CSRNP3: variants seen among roughly 807,000 people sequenced by gnomAD.
The protein encoded by CSRNP3 is cysteine/serine-rich nuclear protein 3.
Under a neutral mutation model 48.0 loss-of-function variants are expected in CSRNP3, and 12 were observed. The ratio of observed to expected loss-of-function variants is 0.25; its 90% CI spans 0.16 to 0.41. The LOEUF (loss-of-function observed/expected upper bound fraction) is 0.41. Among genes scored for constraint, CSRNP3 ranks in the 10% least tolerant of loss-of-function variants. The pLI is 1.00. For missense variants in CSRNP3, 580 were observed against 724.4 expected (o/e 0.80, Z 2.29); for synonymous variants, 263 against 269.7 (o/e 0.98, Z 0.24).
At position 165,537,976 on chromosome 2, in the gene CSRNP3, T is replaced by C. The variant is rs569511953; in HGVS notation, c.-24+20015T>C. 3.3e-5 allele frequency among the ~76,000 whole-genome samples: 5 copies of C among 151,920 alleles called. 1 individual carries two copies. Among genetic ancestry groups the C allele is most frequent in the Admixed American group, 1.3e-4 (2 of 15,220 alleles). ...TGATGAAACTACTGAGCTTTTTTTT[T>C]CCCTTCAGCTCCTGAGGACAGATGA... On this transcript the variant is annotated intron_variant, in intron 3 of 6. Coordinates refer to ENST00000651982, the MANE Select transcript of CSRNP3 (RefSeq NM_001172173.2).
At chr2:165,580,931 T>C (rs1381594942) in intron 3 of CSRNP3, among the ~76,000 whole-genome samples, 1 of 152,180 alleles carries the variant, frequency 6.6e-6, no homozygotes, top group Non-Finnish European at 1.5e-5. Context: ...TACTATTCTT[T>C]AGTCTTAATT....
intron 4 of CSRNP3, among the ~76,000 whole-genome samples, chr2:165,628,539 C>A (rs185765742): frequency 6.6e-6 from 1 of 151,956 alleles, no homozygotes; most frequent in African/African-American, 2.4e-5. Context: ...GCCTGGCCAA[C>A]GTGGTGAAAC....
intron 3 of CSRNP3, among the ~76,000 whole-genome samples, chr2:165,532,383 T>C (rs1221777663): frequency 6.6e-6 from 1 of 152,076 alleles, no homozygotes; most frequent in African/African-American, 2.4e-5. Flanking sequence ...GCTTCATCCC[T>C]GGGATGCAAG....
At chr2:165,628,531 C>A (rs1200066224) in intron 4 of CSRNP3, among the ~76,000 whole-genome samples, 1 of 151,992 alleles carries the variant, frequency 6.6e-6, no homozygotes, top group Non-Finnish European at 1.5e-5. Flanking sequence ...CAAGACCAGC[C>A]TGGCCAACGT....
Position 165,679,529 on chromosome 2 carries a change from G to A in CSRNP3, c.1534G>A (p.Gly512Ser), listed in dbSNP as rs376805913. Residue 512 changes from glycine (G) to serine (S), a missense_variant, in exon 7 of 7, where the codon GGT becomes AGT. By Grantham distance (56) the Gly-to-Ser change is moderately conservative (BLOSUM62 0). Transcript: ENST00000651982. ...CTGCTCCTCTTCCGAAAATGATAGC[G>A]GTGTGCCCTGCAATAGTTTATATCC... Reference protein sequence around the residue: ...VCCSSSENDSGVPCNSLYPEH... With the variant: ...VCCSSSENDSSVPCNSLYPEH... 59 of 1,613,556 alleles carry A rather than the reference G, an allele frequency of 3.7e-5. No individual in the cohort carries two copies. The highest frequency in any genetic ancestry group is 1.1e-4 in the African/African-American group (8 of 74,788).
At chr2:165,645,531 G>A (rs1302503893) in intron 4 of CSRNP3, among the ~76,000 whole-genome samples, 1 of 152,116 alleles carries the variant, frequency 6.6e-6, no homozygotes, top group Non-Finnish European at 1.5e-5. Flanking sequence ...AAGAAAATTT[G>A]AAGTGCAAGC....
At chr2:165,615,562 A>G in intron 4 of CSRNP3, among the ~76,000 whole-genome samples, 1 of 143,546 alleles carries the variant, frequency 7.0e-6, no homozygotes, top group Non-Finnish European at 1.6e-5. Context: ...AAAGAATTAT[A>G]AAAGAATTGT....
At position 165,485,418 on chromosome 2, in the gene CSRNP3, A is replaced by T. The variant is rs554441607; in HGVS notation, c.-282-9341A>T. Among the ~76,000 whole-genome samples the T allele has an allele frequency of 4.6e-5, 7 of 152,350 alleles. No individual in the cohort carries two copies. The East Asian group carries it at 5.8e-4, about 13-fold the overall frequency. On this transcript the variant is annotated intron_variant, in intron 1 of 6. Transcript: ENST00000651982. The stretch of plus-strand genomic sequence containing the variant: ...TAAACATAAGGTACAACAACATTTT[A>T]AAAAATCAACAATAGCTTTCAGTCT...
At chr2:165,606,718 A>G (rs542046586) in intron 4 of CSRNP3, among the ~76,000 whole-genome samples, 1 of 152,244 alleles carries the variant, frequency 6.6e-6, no homozygotes, top group South Asian at 2.1e-4. Context: ...ATAAATTGGA[A>G]AATAAGTTGA....
At position 165,685,360 on chromosome 2, in the gene CSRNP3, GT is replaced by G. The variant is rs1687613689; in HGVS notation, c.*5608del. On this transcript the variant is annotated 3_prime_UTR_variant, in exon 7 of 7. Coordinates refer to ENST00000651982, the MANE Select transcript of CSRNP3 (RefSeq NM_001172173.2). ...CAAGCTGAAACATTTGATATGACCT[GT>G]GTTTTACCTGGTGATCAGTTCTCAG... 1 of 151,970 alleles carries G rather than the reference GT, an allele frequency of 6.6e-6. No homozygotes were observed. Among genetic ancestry groups the G allele is most frequent in the South Asian group, 2.1e-4 (1 of 4,824 alleles). 9.4% of individuals were successfully genotyped at this position (151,970 alleles called of 1,614,324 possible).
intron 3 of CSRNP3, among the ~76,000 whole-genome samples, chr2:165,556,261 T>C (rs913050352): frequency 9.2e-5 from 14 of 152,078 alleles, no homozygotes; most frequent in African/African-American, 3.1e-4. Context: ...TGGACTAAGA[T>C]AGGAGATGCA....
chr2:165,582,477 G>A (rs1320775154), intron 3 of CSRNP3, among the ~76,000 whole-genome samples: 1 of 152,186 alleles, frequency 6.6e-6, no homozygotes, highest in Non-Finnish European at 1.5e-5. Flanking sequence ...CAAGACGACA[G>A]TGAAGAAATC....
At chr2:165,490,335 G>T (rs1490767572) in intron 1 of CSRNP3, among the ~76,000 whole-genome samples, 1 of 147,502 alleles carries the variant, frequency 6.8e-6, no homozygotes, top group Non-Finnish European at 1.5e-5. Context: ...CATGCTCATG[G>T]GTAGGAAGAA....
rs1232676419 is a variant in CSRNP3, at chr2:165,649,637, A to G, written c.149-8124A>G. ...ATAGCACTTAGAGCTATTAGTCGTAATACAGGGAACCGAATATATCAGCAA... is the reference window on the plus strand; with the variant it reads ...ATAGCACTTAGAGCTATTAGTCGTAGTACAGGGAACCGAATATATCAGCAA... On this transcript the variant is annotated intron_variant, in intron 4 of 6. Coordinates refer to ENST00000651982, the MANE Select transcript of CSRNP3 (RefSeq NM_001172173.2). 1.3e-5 allele frequency among the ~76,000 whole-genome samples: 2 copies of G among 152,222 alleles called. 1 individual carries two copies. The highest frequency in any genetic ancestry group is 6.3e-3 in the Middle Eastern group (2 of 316).
At chr2:165,594,920 T>G in intron 3 of CSRNP3, 123 bp from the exon 4 acceptor site, 1 of 687,788 alleles carries the variant, frequency 1.5e-6, no homozygotes, top group Non-Finnish European at 2.3e-6. Context: ...TAAAGATCCT[T>G]TCAAGGGAAA....
At chr2:165,602,069 T>G (rs917143957) in intron 4 of CSRNP3, among the ~76,000 whole-genome samples, 1 of 152,170 alleles carries the variant, frequency 6.6e-6, no homozygotes, top group Non-Finnish European at 1.5e-5. Flanking sequence ...GTTTGAGAAC[T>G]AACTTTAGCA....
intron 3 of CSRNP3, chr2:165,574,486 G>A (rs1156268848): frequency 8.3e-7 from 1 of 1,206,892 alleles, no homozygotes; most frequent in Admixed American, 2.3e-5. Flanking sequence ...GACACTGATG[G>A]GCATTGGCTA....
At chr2:165,520,794 T>TATATATATTATATAC (rs1558923552) in intron 3 of CSRNP3, among the ~76,000 whole-genome samples, 4 of 23,176 alleles carry the variant, frequency 1.7e-4, no homozygotes, top group African/African-American at 1.2e-3. Context: ...TATATATATA[T>TATATATATTATATAC]ATATATATAT....
At chr2:165,562,897 G>A (rs557455068) in intron 3 of CSRNP3, among the ~76,000 whole-genome samples, 39 of 152,136 alleles carry the variant, frequency 2.6e-4, no homozygotes, top group Non-Finnish European at 3.7e-4. Context: ...CCATGTAAAA[G>A]GATATGGGAA....
Sources: gnomAD v4.1 joint callset for allele counts (sites outside exome capture counted in the v4.1 genomes callset) on GRCh38, gnomAD v4.1.1 for gene constraint, MANE v1.5 for transcripts, NCBI Gene and HGNC (gene_info 2026-07-23, HGNC 2026-07-21) for gene names.